Variants in RBFOX1 observed in about 807,000 individuals in gnomAD.
RBFOX1 encodes the protein RNA binding protein fox-1 homolog 1.
In RBFOX1, 8 loss-of-function variants were observed where a neutral mutation model predicts 57.7. The ratio of observed to expected loss-of-function variants is 0.14; its 90% confidence interval spans 0.08 to 0.25. RBFOX1 has a LOEUF of 0.25. RBFOX1 is among the 10% of genes least tolerant of loss of function. The pLI, the probability that RBFOX1 is intolerant of heterozygous loss-of-function variation, is 1.00. For missense variants in RBFOX1, 611 were observed against 548.5 expected, an observed-to-expected ratio of 1.11 and a Z score of -1.14; for synonymous variants, 326 against 222.4, an observed-to-expected ratio of 1.47 and a Z score of -4.15.
chr16:6,944,904 C>T (rs1482404388), intron 3 of RBFOX1, among the ~76,000 whole-genome samples: 1 of 152,126 alleles, frequency 6.6e-6, no homozygotes, highest in African/African-American at 2.4e-5. Flanking sequence ...GAATTTGCAG[C>T]TCTTAGCTAT....
At chr16:7,441,635 G>C (rs922099801) in intron 4 of RBFOX1, among the ~76,000 whole-genome samples, 1 of 152,130 alleles carries the variant, frequency 6.6e-6, no homozygotes, top group Non-Finnish European at 1.5e-5. Flanking sequence ...CCAACATTTA[G>C]ATATGTAAAG....
chr16:5,828,347 T>C (rs1243874857), intron 3 of RBFOX1, among the ~76,000 whole-genome samples: 4 of 152,176 alleles, frequency 2.6e-5, no homozygotes, highest in Admixed American at 6.5e-5. Flanking sequence ...TAAAGGATAA[T>C]AGTCACTAGT....
intron 4 of RBFOX1, among the ~76,000 whole-genome samples, chr16:7,157,348 C>T (rs59745218): frequency 0.49 from 74,840 of 151,818 alleles, 19,742 homozygotes; most frequent in South Asian, 0.66. Flanking sequence ...ATATGAGATA[C>T]CATTTCAATT....
chr16:7,179,272 G>C (rs749959724), intron 4 of RBFOX1, among the ~76,000 whole-genome samples: 3 of 151,284 alleles, frequency 2.0e-5, no homozygotes, highest in Non-Finnish European at 4.4e-5. Flanking sequence ...CTTGCTTTCA[G>C]AGTTCATGTC....
chr16:7,290,136 C>T (rs2095739095), intron 4 of RBFOX1, among the ~76,000 whole-genome samples: 1 of 152,104 alleles, frequency 6.6e-6, no homozygotes, highest in African/African-American at 2.4e-5. Context: ...CAGAAAATTC[C>T]ATCTATAAGA....
chr16:6,418,010 C>T (rs895905447), intron 2 of RBFOX1, among the ~76,000 whole-genome samples: 1 of 149,978 alleles, frequency 6.7e-6, no homozygotes, highest in Non-Finnish European at 1.5e-5. Context: ...TGATCAAGAT[C>T]AAATAAGAGA....
chr16:5,247,524 G>C (rs2062332561), intron 1 of RBFOX1, among the ~76,000 whole-genome samples: 1 of 152,172 alleles, frequency 6.6e-6, no homozygotes, highest in African/African-American at 2.4e-5. Flanking sequence ...AAGATGGATG[G>C]GTCCTTGGAG....
chr16:6,442,630 A>C (rs1032916819), intron 2 of RBFOX1, among the ~76,000 whole-genome samples: 2 of 152,130 alleles, frequency 1.3e-5, no homozygotes, highest in African/African-American at 4.8e-5. Flanking sequence ...AAACTGCCTA[A>C]CACACCTTCT....
At chr16:5,908,219 T>TATATACACACATATATATAC (rs2058519423) in intron 4 of RBFOX1, among the ~76,000 whole-genome samples, 1 of 145,242 alleles carries the variant, frequency 6.9e-6, no homozygotes, top group African/African-American at 2.7e-5. Flanking sequence ...TATATATACA[T>TATATACACACATATATATAC]ATATACACAC....
chr16:6,518,045 G>C (rs1177964520), intron 2 of RBFOX1, among the ~76,000 whole-genome samples: 4 of 152,148 alleles, frequency 2.6e-5, no homozygotes, highest in Admixed American at 6.6e-5. Flanking sequence ...GTCTGTCTTT[G>C]TTGAACTAAT....
chr16:7,150,202 T>C (rs756595365), intron 4 of RBFOX1, among the ~76,000 whole-genome samples: 2 of 152,150 alleles, frequency 1.3e-5, no homozygotes, highest in Non-Finnish European at 2.9e-5. Flanking sequence ...ACAAAAAATA[T>C]GTTTTATTTA....
chr16:7,167,994 G>C (rs139575337), intron 4 of RBFOX1, among the ~76,000 whole-genome samples: 132 of 152,204 alleles, frequency 8.7e-4, no homozygotes, highest in African/African-American at 2.8e-3. Context: ...ACAAGGTAAG[G>C]ATTTTTTTTA....
At chr16:6,736,148 G>T in intron 3 of RBFOX1, among the ~76,000 whole-genome samples, 1 of 152,142 alleles carries the variant, frequency 6.6e-6, no homozygotes, top group African/African-American at 2.4e-5. Flanking sequence ...TGTTACCATG[G>T]AAAACCAGTT....
intron 4 of RBFOX1, among the ~76,000 whole-genome samples, chr16:5,979,939 C>T (rs1274833913): frequency 5.9e-5 from 9 of 152,188 alleles, no homozygotes; most frequent in Admixed American, 3.3e-4. Context: ...ACAGGTAGGA[C>T]GTGGCAGAGC....
rs1277478647 is a variant in RBFOX1 at position 6,450,797 on chromosome 16, A to G, written c.-64+133740A>G. Among the ~76,000 whole-genome samples, 2 of 16,004 alleles carry G rather than the reference A, an allele frequency of 1.2e-4. 1 individual carries two copies. The highest frequency in any genetic ancestry group is 0.013 in the East Asian group (2 of 156). 10.5% of individuals were successfully genotyped at this position (16,004 alleles called of 152,430 possible). On this transcript the variant is annotated intron_variant, in intron 2 of 15. Transcript: ENST00000550418. ...TATATATATATATATATACATATAT[A>G]TATGTATATATATATATATACATAT...
At chr16:6,986,150 C>A (rs191934149) in intron 3 of RBFOX1, among the ~76,000 whole-genome samples, 1 of 121,558 alleles carries the variant, frequency 8.2e-6, no homozygotes, top group African/African-American at 3.9e-5. Context: ...TACAATAACC[C>A]TTATATACGT....
chr16:5,331,935 T>C lies in RBFOX1; in HGVS notation c.219+91830T>C, dbSNP rs535233658. 8.5e-5 allele frequency among the ~76,000 whole-genome samples: 13 copies of C among 152,372 alleles called. No homozygotes were observed. The South Asian group carries it at 1.7e-3, about 19-fold the overall frequency. ...TCTTGACCCTTCAGGTGAGACCTGCTTCTTATCCCATAGTGTCAAGTCCTA... is the reference window on the plus strand; with the variant it reads ...TCTTGACCCTTCAGGTGAGACCTGCCTCTTATCCCATAGTGTCAAGTCCTA... On this transcript the variant is annotated intron_variant, in intron 1 of 2. Coordinates refer to the RBFOX1 transcript ENST00000585867.
chr16:7,318,697 G>A (rs558395214), intron 4 of RBFOX1, among the ~76,000 whole-genome samples: 1 of 152,220 alleles, frequency 6.6e-6, no homozygotes, highest in African/African-American at 2.4e-5. Context: ...GGTACCTAGT[G>A]GCTTCTGGAC....
chr16:7,382,440 T>C (rs1201181873), intron 4 of RBFOX1, among the ~76,000 whole-genome samples: 2 of 152,246 alleles, frequency 1.3e-5, no homozygotes, highest in Non-Finnish European at 2.9e-5. Flanking sequence ...TTATTAAACA[T>C]GATATATGGC....
Sources: gnomAD v4.1 joint callset for allele counts (sites outside exome capture counted in the v4.1 genomes callset) on GRCh38, gnomAD v4.1.1 for gene constraint, MANE v1.5 for transcripts, NCBI Gene and HGNC (gene_info 2026-07-23, HGNC 2026-07-21) for gene names.